The following TYMS variants were observed in gnomAD, a reference collection of about 807,000 sequenced individuals.
TYMS encodes the protein thymidylate synthase.
A neutral mutation model predicts 39.3 loss-of-function variants in TYMS; 21 were observed. That is an observed-to-expected ratio of 0.54 (90% CI 0.38 to 0.77). TYMS has a LOEUF of 0.77. Among genes scored for constraint, TYMS ranks in the 30% least tolerant of loss-of-function variants. The probability of loss-of-function intolerance (pLI) is 0.00; values close to 1 mark genes in which losing one functional copy is unlikely to be tolerated. For synonymous variants in TYMS, 171 were observed against 162.2 expected, an observed-to-expected ratio of 1.05 and a Z score of -0.41; for missense variants, 273 against 406.7, an observed-to-expected ratio of 0.67 and a Z score of 2.83.
chr18:667,556 TGGTGATGGTGATGGA>T (rs2074879031), intron 3 of TYMS, among the ~76,000 whole-genome samples: 1 of 89,018 alleles, frequency 1.1e-5, no homozygotes, highest in Non-Finnish European at 2.1e-5. Context: ...GTGATGGAGA[TGGTGATGGTGATGGA>T]GATGGTGATG....
intron 3 of TYMS, among the ~76,000 whole-genome samples, chr18:665,235 G>T (rs966670798): frequency 7.3e-5 from 11 of 150,786 alleles, no homozygotes; most frequent in African/African-American, 1.7e-4. Flanking sequence ...CTTCTTCCTG[G>T]TTTAGTCTTG....
intron 1 of TYMS, 29 bp downstream of exon 1, chr18:657,976 TG>T: frequency 6.6e-7 from 1 of 1,508,098 alleles, no homozygotes; most frequent in South Asian, 1.3e-5. Flanking sequence ...GCGGGACGGG[TG>T]GCGGGAAGGA....
In TYMS at chr18:667,499, A is replaced by C. The variant is rs868607037; in HGVS notation, c.455-1573A>C. 2.9e-4 allele frequency among the ~76,000 whole-genome samples: 3 copies of C among 10,174 alleles called. 1 individual carries two copies. Among genetic ancestry groups the C allele is most frequent in the African/African-American group, 2.3e-3 (3 of 1,300 alleles). The allele number at this position is 10,174 out of a possible 152,430, so 6.7% of individuals were successfully genotyped here. A position where few individuals can be genotyped will look rare whatever the true frequency, so the allele number is the denominator to read the frequency against. On this transcript the variant is annotated intron_variant, in intron 3 of 6. Coordinates refer to ENST00000323274, the MANE Select transcript of TYMS (RefSeq NM_001071.4). Reference sequence around the variant, plus strand: ...GTGATGGTGATGGTGATGGTGATGGAGATGGTGATGGTGATGGTGATGGTG... The same window carrying C: ...GTGATGGTGATGGTGATGGTGATGGCGATGGTGATGGTGATGGTGATGGTG...
intron 2 of TYMS, 134 bp downstream of exon 2, chr18:659,848 G>C: frequency 2.6e-6 from 2 of 776,176 alleles, no homozygotes; most frequent in East Asian, 5.0e-5. Flanking sequence ...GGCTGAGTCA[G>C]ATCACCTGAG....
In TYMS at chr18:658,095, A is replaced by G. The variant is rs1034181807; in HGVS notation, c.205+148A>G. The stretch of plus-strand genomic sequence containing the variant: ...GGGGACGCATCGTCCTCCTCGCCTT[A>G]CAGACGCCGAAACGGAGGGTCCCAT... On this transcript the variant is annotated intron_variant, in intron 1 of 6. Coordinates refer to ENST00000323274, the MANE Select transcript of TYMS (RefSeq NM_001071.4). The surrounding 1 kb of genome is among the most constrained non-coding windows in gnomAD (Gnocchi z 4.5). The G allele has an allele frequency of 1.9e-6, 3 of 1,583,752 alleles. No homozygotes were observed. The African/African-American group carries it at 4.0e-5, about 21-fold the overall frequency.
Position 662,226 on chromosome 18 carries a change from C to G in TYMS, c.360C>G (p.Ser120Arg), listed in dbSNP as rs773564286. 6 of 1,613,940 alleles carry G rather than the reference C, an allele frequency of 3.7e-6. No homozygotes were observed. Among genetic ancestry groups the G allele is most frequent in the East Asian group, 2.2e-5 (1 of 44,866 alleles). ...ATGGATCCCGAGACTTTTTGGACAG[C>G]CTGGGATTCTCCACCAGAGAAGAAG... ...DANGSRDFLD[S>R]LGFSTREEGD... Residue 120 changes from serine (S) to arginine (R), a missense_variant, in exon 3 of 7, where the codon AGC becomes AGG. Transcript: ENST00000323274.
Position 671,386 on chromosome 18 carries a change from G to A in TYMS, c.739G>A (p.Asp247Asn). The A allele has an allele frequency of 1.9e-6, 3 of 1,610,126 alleles. No homozygotes were observed. The highest frequency in any genetic ancestry group is 2.6e-6 in the Non-Finnish European group (3 of 1,176,432). ...TTCTCCCCCGGGTTTATAGCCAGGT[G>A]ACTTTATACACACTTTGGGAGATGC... ...IAHITGLKPG[D>N]FIHTLGDAHI... Residue 247 changes from aspartate to asparagine, a missense_variant, in exon 6 of 7, where the codon GAC becomes AAC. By Grantham distance (23) the Asp-to-Asn change is conservative. Transcript: ENST00000323274.
chr18:670,985 G>T (rs1172388961), intron 5 of TYMS, 118 bp downstream of exon 5: 2 of 1,269,662 alleles, frequency 1.6e-6, no homozygotes, highest in Non-Finnish European at 2.2e-6. Context: ...TTTGATATGT[G>T]TAAGTAAGAA....
At chr18:671,185 A>G (rs1171011075) in intron 5 of TYMS, 195 bp from the exon 6 acceptor site, 1 of 614,682 alleles carries the variant, frequency 1.6e-6, no homozygotes, top group Non-Finnish European at 2.9e-6. Flanking sequence ...GACAGGAGCA[A>G]TTGCTTGAGG....
intron 3 of TYMS, among the ~76,000 whole-genome samples, chr18:668,223 G>T (rs762421486): frequency 6.6e-6 from 1 of 150,646 alleles, no homozygotes; most frequent in Non-Finnish European, 1.5e-5. Context: ...CACTACCAAG[G>T]TTCATCTTTT....
chr18:658,303 C>T lies in TYMS; in HGVS notation c.205+356C>T, dbSNP rs2074715297. The T allele has an allele frequency of 2.2e-6, 3 of 1,390,554 alleles. No homozygotes were observed. The highest frequency in any genetic ancestry group is 2.9e-5 in the African/African-American group (2 of 68,922). 86.1% of individuals were successfully genotyped at this position (1,390,554 alleles called of 1,614,324 possible). A position where few individuals can be genotyped will look rare whatever the true frequency, so the allele number is the denominator to read the frequency against. ...AGGGAGAGCTGCCTGGGCTTGACCG[C>T]GCGCCGGTCTCAAAGTCCTGGCTTT... On this transcript the variant is annotated intron_variant, in intron 1 of 6. Transcript: ENST00000323274. The surrounding 1 kb of genome is among the most constrained non-coding windows in gnomAD (Gnocchi z 4.5).
chr18:659,746 G>T (rs1196699264), intron 2 of TYMS, 32 bp downstream of exon 2: 1 of 1,576,322 alleles, frequency 6.3e-7, no homozygotes, highest in Admixed American at 1.7e-5. Flanking sequence ...GAAGTCAGTA[G>T]TCTGTTCTCA....
rs1567990626 is a variant in TYMS, at chr18:667,448, TGATGGTGATGATGGA to T, written c.455-1613_455-1599del. Among the ~76,000 whole-genome samples, 6 of 1,130 alleles carry T rather than the reference TGATGGTGATGATGGA, an allele frequency of 5.3e-3. 1 individual carries two copies. The highest frequency in any genetic ancestry group is 0.028 in the East Asian group (1 of 36). 0.7% of individuals were successfully genotyped at this position (1,130 alleles called of 152,430 possible). ...GTGATGGAGATGGTGATGGTGATGG[TGATGGTGATGATGGA>T]GATGGTGATGGTGATGGTGATGGTG... is the stretch of plus-strand genomic sequence containing the variant. On this transcript the variant is annotated intron_variant, in intron 3 of 6. Transcript: ENST00000323274.
chr18:662,002 G>A, intron 2 of TYMS, 144 bp from the exon 3 acceptor site: 1 of 779,162 alleles, frequency 1.3e-6, no homozygotes, highest in Non-Finnish European at 2.0e-6. Flanking sequence ...AAAAAGGATG[G>A]GTTCCATATG....
At position 670,804 on chromosome 18, in the gene TYMS, G is replaced by C; in HGVS notation, c.669G>C (p.Val223=). The change falls in exon 5 of 7, where the codon GTG becomes GTC. Residue 223 remains valine, a synonymous_variant. Coordinates refer to ENST00000323274, the MANE Select transcript of TYMS (RefSeq NM_001071.4). The stretch of plus-strand genomic sequence containing the variant: ...GATCGGGAGACATGGGCCTCGGTGT[G>C]CCTTTCAACATCGCCAGCTACGCCC... ...YQRSGDMGLG[V]PFNIASYALL... is the part of the protein sequence containing the mutation. 2 of 1,614,090 alleles carry C rather than the reference G, an allele frequency of 1.2e-6. No homozygotes were observed.
intron 3 of TYMS, among the ~76,000 whole-genome samples, chr18:662,630 C>A (rs1018696829): frequency 1.5e-4 from 22 of 151,390 alleles, no homozygotes; most frequent in African/African-American, 5.4e-4. Flanking sequence ...CATGATCTAG[C>A]ATCAGGTATA....
intron 3 of TYMS, among the ~76,000 whole-genome samples, chr18:668,853 G>T (rs192974913): frequency 6.6e-6 from 1 of 152,092 alleles, no homozygotes; most frequent in Non-Finnish European, 1.5e-5. Flanking sequence ...AGAGGAAAAA[G>T]ACTTTGTTAG....
At position 658,670 on chromosome 18, in the gene TYMS, A is replaced by G. The variant is rs888754753; in HGVS notation, c.205+723A>G. The G allele has an allele frequency of 1.5e-5, 4 of 273,954 alleles. No individual in the cohort carries two copies. In the East Asian group the frequency reaches 5.7e-4, roughly 39 times the overall value. The allele number at this position is 273,954 out of a possible 1,614,324, so 17.0% of individuals were successfully genotyped here. On this transcript the variant is annotated intron_variant, in intron 1 of 6. Coordinates refer to ENST00000323274, the MANE Select transcript of TYMS (RefSeq NM_001071.4). The surrounding 1 kb of genome is among the most constrained non-coding windows in gnomAD (Gnocchi z 4.5). ...GCGGGGTGGGCACAGGACGTTAGGC[A>G]GCCGTTGGCCCTCCCTAAGGCCACA... is the stretch of plus-strand genomic sequence containing the variant.
chr18:662,391 G>C (rs565962822), intron 3 of TYMS, 71 bp downstream of exon 3: 4 of 1,424,054 alleles, frequency 2.8e-6, no homozygotes, highest in Non-Finnish European at 3.8e-6. Flanking sequence ...CGTTGTTTTA[G>C]ATAAGGTCTG....
Sources: allele counts gnomAD v4.1 joint callset (sites outside exome capture counted in the v4.1 genomes callset), GRCh38; gene constraint gnomAD v4.1.1; non-coding constraint Gnocchi (gnomAD v3.1); transcripts MANE v1.5; gene names NCBI Gene and HGNC (gene_info 2026-07-23, HGNC 2026-07-21).